Variants in PPIP5K1 observed in about 807,000 individuals in gnomAD.
PPIP5K1 encodes the protein inositol hexakisphosphate and diphosphoinositol-pentakisphosphate kinase 1.
PPIP5K1 carries 6 observed loss-of-function variants against 27.7 expected under a neutral mutation model. That is an observed-to-expected ratio of 0.22 (90% confidence interval 0.12 to 0.43). The LOEUF is 0.43. Ranked by LOEUF, PPIP5K1 falls within the 20% of genes least tolerant of loss-of-function variation. The pLI is 1.00. For missense variants in PPIP5K1, 394 were observed against 635.4 expected, an observed-to-expected ratio of 0.62 and a Z score of 4.08; for synonymous variants, 145 against 242.6, an observed-to-expected ratio of 0.60 and a Z score of 3.74.
At chr15:43,553,257 C>A (rs2082460557) in intron 30 of PPIP5K1, among the ~76,000 whole-genome samples, 1 of 151,962 alleles carries the variant, frequency 6.6e-6, no homozygotes. Context: ...CTGCATTCTG[C>A]AGTTGTTGGA....
At chr15:43,535,670 T>C (rs903376719) in intron 31 of PPIP5K1, among the ~76,000 whole-genome samples, 194 bp from the exon 32 acceptor site, 2 of 152,224 alleles carry the variant, frequency 1.3e-5, no homozygotes, top group Admixed American at 6.5e-5. Context: ...GCCTAATGTA[T>C]ACTTTGAGAG....
chr15:43,586,706 GATAATAATAATAATAATAATAATAATA>G (rs139100270), intron 1 of PPIP5K1, among the ~76,000 whole-genome samples: 1 of 96,586 alleles, frequency 1.0e-5, no homozygotes, highest in Non-Finnish European at 2.2e-5. Context: ...AAATAATGAT[GATAATAATAATAATAATAATAATAATA>G]ATAATAATAA....
chr15:43,550,540 A>G (rs1291840384), intron 30 of PPIP5K1, among the ~76,000 whole-genome samples: 1 of 151,958 alleles, frequency 6.6e-6, no homozygotes, highest in African/African-American at 2.4e-5. Context: ...CTTCTTTGTG[A>G]TTTTATATTT....
intron 31 of PPIP5K1, among the ~76,000 whole-genome samples, chr15:43,538,213 C>T (rs1327500687): frequency 1.3e-5 from 2 of 152,114 alleles, no homozygotes; most frequent in Non-Finnish European, 2.9e-5. Context: ...CGGTCCTATC[C>T]AAATAAAATA....
intron 4 of PPIP5K1, 151 bp downstream of exon 4, chr15:43,583,253 A>ATC: frequency 1.3e-6 from 1 of 741,022 alleles, no homozygotes; most frequent in Non-Finnish European, 2.1e-6. Context: ...CTCCTCCAAG[A>ATC]TGCAGGGAAA....
chr15:43,579,665 T>TATTTTA (rs1419717256), intron 10 of PPIP5K1, among the ~76,000 whole-genome samples: 6 of 48,274 alleles, frequency 1.2e-4, no homozygotes, highest in East Asian at 1.7e-3. Flanking sequence ...TTTTTTTTTT[T>TATTTTA]TTTTTTTTTT....
intron 26 of PPIP5K1, among the ~76,000 whole-genome samples, chr15:43,567,392 A>ATTTTC: frequency 1.5e-4 from 1 of 6,500 alleles, no homozygotes; most frequent in Non-Finnish European, 2.5e-4. Context: ...TGCTGGGATT[A>ATTTTC]TAGGCATGAG....
At chr15:43,543,949 G>A (rs1392282740) in intron 30 of PPIP5K1, among the ~76,000 whole-genome samples, 1 of 151,856 alleles carries the variant, frequency 6.6e-6, no homozygotes, top group Non-Finnish European at 1.5e-5. Context: ...GTATTCTAAA[G>A]TTATTGAAAA....
rs143925117 is a variant in PPIP5K1, at chr15:43,554,500, T to C, written c.3556+4295A>G. Among the ~76,000 whole-genome samples, 538 of 152,286 alleles carry C rather than the reference T, an allele frequency of 3.5e-3. 2 individuals are homozygous for C. Among genetic ancestry groups the C allele is most frequent in the African/African-American group, 0.012 (517 of 41,556 alleles). On this transcript the variant is annotated intron_variant, in intron 30 of 31. Transcript: ENST00000420765. ...CTATTTTGTCTAATACTGGTATAGC[T>C]ACTTCAGCTCTCTTTTGGTTACTAT...
chr15:43,536,771 A>T (rs561256179), intron 31 of PPIP5K1, among the ~76,000 whole-genome samples: 1 of 152,296 alleles, frequency 6.6e-6, no homozygotes, highest in East Asian at 1.9e-4. Flanking sequence ...CTTCAATTAC[A>T]CTGTGGGATG....
rs573987464 is a variant in PPIP5K1 at position 43,558,683 on chromosome 15, T to C, written c.3556+112A>G. The C allele has an allele frequency of 3.2e-4, 447 of 1,404,462 alleles. 1 individual carries two copies. In the African/African-American group the frequency reaches 5.8e-3, roughly 18 times the overall value. 87.0% of individuals were successfully genotyped at this position (1,404,462 alleles called of 1,614,324 possible). On this transcript the variant is annotated intron_variant, in intron 30 of 31. Transcript: ENST00000420765. The stretch of plus-strand genomic sequence containing the variant: ...GCAATTATACATTTTTAAGTGTACT[T>C]TTGTGTCTTTGTGGATTGCCTAACT...
At chr15:43,549,254 C>T (rs2081901145) in intron 30 of PPIP5K1, among the ~76,000 whole-genome samples, 1 of 151,474 alleles carries the variant, frequency 6.6e-6, no homozygotes, top group African/African-American at 2.4e-5. Context: ...TTTTGGTGTA[C>T]AAATCTTTCA....
chr15:43,542,581 C>T (rs1467591630), intron 30 of PPIP5K1, among the ~76,000 whole-genome samples: 2 of 151,144 alleles, frequency 1.3e-5, no homozygotes, highest in Non-Finnish European at 2.9e-5. Flanking sequence ...GCATGAGCTA[C>T]CTCACCTAGC....
intron 26 of PPIP5K1, among the ~76,000 whole-genome samples, chr15:43,567,404 C>T (rs1180185205): frequency 0.13 from 340 of 2,646 alleles, no homozygotes; most frequent in Middle Eastern, 0.38. Flanking sequence ...AGGCATGAGC[C>T]ACTGCGCCTG....
At chr15:43,545,479 T>TTA (rs2081264110) in intron 30 of PPIP5K1, among the ~76,000 whole-genome samples, 1 of 150,474 alleles carries the variant, frequency 6.6e-6, no homozygotes, top group African/African-American at 2.4e-5. Flanking sequence ...CACTTCTTTT[T>TTA]TTTTTTTTTT....
In PPIP5K1 at chr15:43,581,322, C is replaced by A; in HGVS notation, c.844G>T (p.Val282Phe). Residue 282 changes from valine (V) to phenylalanine (F), a missense_variant, in exon 9 of 32, where the codon GTT (valine) becomes TTT (phenylalanine). Coordinates refer to ENST00000420765, the MANE Select transcript of PPIP5K1 (RefSeq NM_001394395.1). ...ARKSPALDGK[V>F]ERDSEGKEIR... ...TCTTTCCCCTCACTGTCTCGTTCAA[C>A]CTTCCCATCCAAAGCTGGAGATTTT... 6.2e-7 allele frequency: 1 copy of A among 1,612,932 alleles called. No individual in the cohort carries two copies.
chr15:43,559,606 G>C (rs2083516280), intron 29 of PPIP5K1, among the ~76,000 whole-genome samples: 1 of 152,110 alleles, frequency 6.6e-6, no homozygotes, highest in Non-Finnish European at 1.5e-5. Flanking sequence ...AGACTTGCTA[G>C]GGTCTTTCTA....
rs779250968 is a variant in PPIP5K1, at chr15:43,581,189, T to C, written c.939+38A>G. The C allele has an allele frequency of 1.9e-5, 29 of 1,545,892 alleles. 4 individuals carry two copies. In the Admixed American group the frequency reaches 5.1e-4, roughly 27 times the overall value. ...CTTCCCGGACCCCTGTTCCTTCCTT[T>C]CTCCTTCATTTCACAACCTCCCTGG... On this transcript the variant is annotated intron_variant, in intron 9 of 31. Transcript: ENST00000420765.
Position 43,549,027 on chromosome 15 carries a change from C to CAAA in PPIP5K1, c.3557-9447_3557-9445dup, listed in dbSNP as rs1160828750. Among the ~76,000 whole-genome samples, 36 of 28,672 alleles carry CAAA rather than the reference C, an allele frequency of 1.3e-3. 1 individual carries two copies. Among genetic ancestry groups the CAAA allele is most frequent in the South Asian group, 3.7e-3 (2 of 542 alleles). 18.8% of individuals were successfully genotyped at this position (28,672 alleles called of 152,430 possible). A position where few individuals can be genotyped will look rare whatever the true frequency, so the allele number is the denominator to read the frequency against. On this transcript the variant is annotated intron_variant, in intron 30 of 31. Transcript: ENST00000420765. Reference sequence around the variant, plus strand: ...TGGGTGACAGAGTGAGACTCCATCTCAAAAAAAAAAAAAAAAAAAAAAAAA... The same window carrying CAAA: ...TGGGTGACAGAGTGAGACTCCATCTCAAAAAAAAAAAAAAAAAAAAAAAAAAAA...
Sources: gnomAD v4.1 joint callset for allele counts (sites outside exome capture counted in the v4.1 genomes callset) on GRCh38, gnomAD v4.1.1 for gene constraint, MANE v1.5 for transcripts, NCBI Gene and HGNC (gene_info 2026-07-23, HGNC 2026-07-21) for gene names.